ADAMTS3: variants seen among roughly 807,000 people sequenced by gnomAD.
ADAMTS3 encodes the protein A disintegrin and metalloproteinase with thrombospondin motifs 3.
A neutral mutation model predicts 129.0 loss-of-function variants in ADAMTS3; 73 were observed. That is an observed-to-expected ratio of 0.57 (90% CI 0.47 to 0.69). The LOEUF (loss-of-function observed/expected upper bound fraction) is 0.69, where lower values mean the gene tolerates loss of function less well. Ranked by LOEUF, ADAMTS3 falls within the 30% of genes least tolerant of loss-of-function variation. The pLI is 0.00. For missense variants in ADAMTS3, 1,457 were observed against 1,514.5 expected, an observed-to-expected ratio of 0.96 and a Z score of 0.63; for synonymous variants, 477 against 510.8, an observed-to-expected ratio of 0.93 and a Z score of 0.89.
At chr4:72,377,019 G>A (rs774026353) in intron 4 of ADAMTS3, among the ~76,000 whole-genome samples, 1 of 152,114 alleles carries the variant, frequency 6.6e-6, no homozygotes, top group Non-Finnish European at 1.5e-5. Flanking sequence ...AAGTTATGTA[G>A]GCAATACTGT....
chr4:72,385,279 A>C (rs1336966368), intron 4 of ADAMTS3, among the ~76,000 whole-genome samples: 4 of 152,108 alleles, frequency 2.6e-5, no homozygotes, highest in African/African-American at 2.4e-5. Flanking sequence ...CTCTAAGGAC[A>C]CCTGAAAATT....
chr4:72,459,323 T>C (rs1718703882), intron 3 of ADAMTS3, among the ~76,000 whole-genome samples: 1 of 151,616 alleles, frequency 6.6e-6, no homozygotes, highest in South Asian at 2.1e-4. Flanking sequence ...ACACTTTGGA[T>C]AAGAATTTAA....
At chr4:72,511,187 T>C (rs1234613025) in intron 3 of ADAMTS3, among the ~76,000 whole-genome samples, 1 of 152,168 alleles carries the variant, frequency 6.6e-6, no homozygotes, top group Non-Finnish European at 1.5e-5. Flanking sequence ...CAAGGAAAGA[T>C]TGGAGAAAAT....
chr4:72,340,316 AGT>A lies in ADAMTS3; in HGVS notation c.662-625_662-624del, dbSNP rs35463239. Among the ~76,000 whole-genome samples, 1,223 of 147,396 alleles carry A rather than the reference AGT, an allele frequency of 8.3e-3. 12 individuals carry two copies. Among genetic ancestry groups the A allele is most frequent in the Admixed American group, 0.023 (340 of 14,672 alleles). On this transcript the variant is annotated intron_variant, in intron 4 of 21. Coordinates refer to ENST00000286657, the MANE Select transcript of ADAMTS3 (RefSeq NM_014243.3). Reference sequence around the variant, plus strand: ...ATACAGGGTATATACTATATACATAAGTGTGTGTGTGTGTGTGTGTGTATGTG... The same window carrying A: ...ATACAGGGTATATACTATATACATAAGTGTGTGTGTGTGTGTGTGTATGTG...
chr4:72,424,890 A>G (rs1235790715), intron 3 of ADAMTS3, among the ~76,000 whole-genome samples: 1 of 151,860 alleles, frequency 6.6e-6, no homozygotes, highest in Non-Finnish European at 1.5e-5. Flanking sequence ...ATTGGAGGTT[A>G]TTTTTTCTTC....
At position 72,373,304 on chromosome 4, in the gene ADAMTS3, G is replaced by A. The variant is rs532331161; in HGVS notation, c.662-33611C>T. 1.2e-3 allele frequency among the ~76,000 whole-genome samples: 177 copies of A among 152,170 alleles called. 1 individual carries two copies. Among genetic ancestry groups the A allele is most frequent in the Admixed American group, 6.2e-3 (94 of 15,260 alleles). ...AGAACAGACCCACACACATATGGTC[G>A]CCTCAAATACAAGGTGAGACTGCCA... On this transcript the variant is annotated intron_variant, in intron 4 of 21. Coordinates refer to ENST00000286657, the MANE Select transcript of ADAMTS3 (RefSeq NM_014243.3).
chr4:72,446,144 A>C (rs1718247217), intron 3 of ADAMTS3, among the ~76,000 whole-genome samples: 1 of 151,700 alleles, frequency 6.6e-6, no homozygotes, highest in African/African-American at 2.4e-5. Context: ...GTACTCCAGC[A>C]ATCTCTCCCC....
At chr4:72,385,125 A>T (rs1481303660) in intron 4 of ADAMTS3, among the ~76,000 whole-genome samples, 1 of 151,996 alleles carries the variant, frequency 6.6e-6, no homozygotes, top group Non-Finnish European at 1.5e-5. Context: ...GCTTGCAGTG[A>T]GCCGAGATCC....
Position 72,528,997 on chromosome 4 carries a change from C to T in ADAMTS3, c.504+19481G>A, listed in dbSNP as rs542543563. Among the ~76,000 whole-genome samples the T allele has an allele frequency of 4.6e-5, 7 of 152,124 alleles. No homozygotes were observed. In the East Asian group the frequency reaches 7.7e-4, roughly 17 times the overall value. ...AGAGAATATCAAAAGCACCAATATA[C>T]GGTAGAGTAATCAGGGTTTCTGCTT... On this transcript the variant is annotated intron_variant, in intron 3 of 21. Coordinates refer to ENST00000286657, the MANE Select transcript of ADAMTS3 (RefSeq NM_014243.3).
intron 4 of ADAMTS3, among the ~76,000 whole-genome samples, chr4:72,358,564 C>T (rs372596269): frequency 6.6e-5 from 10 of 151,950 alleles, no homozygotes; most frequent in Middle Eastern, 3.4e-3. Flanking sequence ...TTACCTTGGA[C>T]GATAGAATCA....
intron 3 of ADAMTS3, among the ~76,000 whole-genome samples, chr4:72,504,062 G>T (rs1720091851): frequency 6.6e-6 from 1 of 152,110 alleles, no homozygotes; most frequent in Non-Finnish European, 1.5e-5. Context: ...TTGCCACTCT[G>T]CCATTTAAGT....
intron 3 of ADAMTS3, among the ~76,000 whole-genome samples, chr4:72,514,762 A>G (rs1667394942): frequency 6.6e-6 from 1 of 152,216 alleles, no homozygotes; most frequent in African/African-American, 2.4e-5. Flanking sequence ...ATAAAATTTA[A>G]AAAGTAATCC....
intron 15 of ADAMTS3, among the ~76,000 whole-genome samples, chr4:72,307,009 T>C (rs1719105674): frequency 6.6e-6 from 1 of 151,898 alleles, no homozygotes; most frequent in African/African-American, 2.4e-5. Context: ...TACAAATAAA[T>C]GAATATAAAA....
intron 4 of ADAMTS3, among the ~76,000 whole-genome samples, chr4:72,369,515 A>G (rs910625160): frequency 1.3e-5 from 2 of 152,132 alleles, no homozygotes; most frequent in East Asian, 3.9e-4. Context: ...GTTTGAAACC[A>G]GCATGGCCAA....
chr4:72,419,488 G>A (rs1050793035), intron 3 of ADAMTS3, among the ~76,000 whole-genome samples: 25 of 152,178 alleles, frequency 1.6e-4, no homozygotes, highest in African/African-American at 4.6e-4. Context: ...AGGCCGTTCA[G>A]GGTGGAGCAA....
At chr4:72,288,269 T>C (rs1489508722) in intron 21 of ADAMTS3, among the ~76,000 whole-genome samples, 1 of 152,210 alleles carries the variant, frequency 6.6e-6, no homozygotes, top group Non-Finnish European at 1.5e-5. Flanking sequence ...AATTTTATCC[T>C]ATGTGCAAGG....
intron 3 of ADAMTS3, among the ~76,000 whole-genome samples, chr4:72,473,145 G>C (rs1719125234): frequency 6.6e-6 from 1 of 152,034 alleles, no homozygotes; most frequent in African/African-American, 2.4e-5. Flanking sequence ...TAAAAATATT[G>C]ATTATCATAA....
chr4:72,389,641 C>T (rs948020798), intron 4 of ADAMTS3, among the ~76,000 whole-genome samples: 2 of 151,964 alleles, frequency 1.3e-5, no homozygotes, highest in African/African-American at 4.8e-5. Context: ...CTCAAATGTG[C>T]CAACGTTAAG....
At position 72,511,830 on chromosome 4, in the gene ADAMTS3, T is replaced by C. The variant is rs1720323297; in HGVS notation, c.504+36648A>G. 2.6e-5 allele frequency among the ~76,000 whole-genome samples: 4 copies of C among 152,226 alleles called. No homozygotes were observed. In the South Asian group the frequency reaches 8.3e-4, roughly 32 times the overall value. On this transcript the variant is annotated intron_variant, in intron 3 of 21. Transcript: ENST00000286657. Reference sequence around the variant, plus strand: ...TGCACTATTAGGTTTGCTGCAGTACTGTTTACAATAACTAATATTTAAAAG... The same window carrying C: ...TGCACTATTAGGTTTGCTGCAGTACCGTTTACAATAACTAATATTTAAAAG...
Sources: allele counts gnomAD v4.1 joint callset (sites outside exome capture counted in the v4.1 genomes callset), GRCh38; gene constraint gnomAD v4.1.1; transcripts MANE v1.5; gene names NCBI Gene and HGNC (gene_info 2026-07-23, HGNC 2026-07-21).